The following HECW2 variants were observed in gnomAD, a reference collection of about 807,000 sequenced individuals.
HECW2 encodes E3 ubiquitin-protein ligase HECW2.
A neutral mutation model predicts 175.2 loss-of-function variants in HECW2; 61 were observed. The observed-to-expected ratio is 0.35, with a 90% CI of 0.28 to 0.43. The LOEUF (loss-of-function observed/expected upper bound fraction) is 0.43, where lower values mean the gene tolerates loss of function less well. Among genes scored for constraint, HECW2 ranks in the 20% least tolerant of loss-of-function variants. HECW2 has a pLI of 1.00. For synonymous variants in HECW2, 671 were observed against 731.0 expected, an observed-to-expected ratio of 0.92 and a Z score of 1.32; for missense variants, 1,524 against 2,000.5, an observed-to-expected ratio of 0.76 and a Z score of 4.54.
At chr2:196,254,259 T>C (rs930058267) in intron 18 of HECW2, among the ~76,000 whole-genome samples, 3 of 152,244 alleles carry the variant, frequency 2.0e-5, no homozygotes, top group African/African-American at 7.2e-5. Context: ...AACGTGACTT[T>C]ATTTTACTAT....
At chr2:196,500,089 G>GA (rs888765588) in intron 1 of HECW2, among the ~76,000 whole-genome samples, 28 of 150,086 alleles carry the variant, frequency 1.9e-4, no homozygotes, top group Admixed American at 1.1e-3. Flanking sequence ...TCCTCCTCAA[G>GA]AAAAAAAAAG....
At chr2:196,207,076 A>G (rs1687096015) in intron 28 of HECW2, among the ~76,000 whole-genome samples, 1 of 152,212 alleles carries the variant, frequency 6.6e-6, no homozygotes, top group Non-Finnish European at 1.5e-5. Flanking sequence ...GCAAGCGCCT[A>G]AGGGACAGGA....
At chr2:196,218,923 C>G (rs1337448531) in intron 26 of HECW2, among the ~76,000 whole-genome samples, 1 of 152,210 alleles carries the variant, frequency 6.6e-6, no homozygotes, top group Non-Finnish European at 1.5e-5. Context: ...CAATTAAATA[C>G]AGCCTTTCAG....
intron 2 of HECW2, among the ~76,000 whole-genome samples, chr2:196,349,420 G>C (rs1212356925): frequency 6.6e-6 from 1 of 152,052 alleles, no homozygotes; most frequent in Non-Finnish European, 1.5e-5. Flanking sequence ...AATTTTGTTT[G>C]GTAGGCTTTA....
At chr2:196,269,664 T>C (rs1689656030) in intron 17 of HECW2, among the ~76,000 whole-genome samples, 1 of 152,194 alleles carries the variant, frequency 6.6e-6, no homozygotes, top group Non-Finnish European at 1.5e-5. Context: ...AATGATGAGT[T>C]GGATAAGATC....
chr2:196,284,533 T>G (rs1399723768), intron 14 of HECW2, among the ~76,000 whole-genome samples: 1 of 152,216 alleles, frequency 6.6e-6, no homozygotes, highest in Non-Finnish European at 1.5e-5. Context: ...GTTTCCTTAG[T>G]GCTTTGCTTT....
At position 196,319,070 on chromosome 2, in the gene HECW2, G is replaced by T. The variant is rs199856129; in HGVS notation, c.1820C>A (p.Pro607His). ...ETESLDQGSE[P>H]SQVSSETEPS... ...TTCTGTTTCAGAGGACACCTGGGAA[G>T]GCTCAGAGCCCTGATCGAGAGACTC... Residue 607 changes from proline to histidine, a missense_variant, in exon 9 of 29, where the codon CCT (proline) becomes CAT (histidine). Pro to His is a moderately conservative substitution (Grantham distance 77). Transcript: ENST00000644978. The T allele has an allele frequency of 6.2e-6, 10 of 1,610,932 alleles. No homozygotes were observed. The highest frequency in any genetic ancestry group is 7.6e-6 in the Non-Finnish European group (9 of 1,178,588).
intron 3 of HECW2, among the ~76,000 whole-genome samples, chr2:196,340,095 TTAAAGA>T (rs10550325): frequency 0.024 from 3,642 of 152,254 alleles, 133 homozygotes; most frequent in African/African-American, 0.083. Context: ...TTCTGGTGAG[TTAAAGA>T]TAAACAAATT....
At chr2:196,299,183 T>C (rs541533246) in intron 13 of HECW2, among the ~76,000 whole-genome samples, 10 of 152,140 alleles carry the variant, frequency 6.6e-5, no homozygotes, top group Admixed American at 5.2e-4. Flanking sequence ...CTAATATAAA[T>C]GCAGTTCATA....
At chr2:196,297,524 C>CT (rs1263439199) in intron 13 of HECW2, among the ~76,000 whole-genome samples, 1 of 152,144 alleles carries the variant, frequency 6.6e-6, no homozygotes, top group African/African-American at 2.4e-5. Context: ...ATCCCCTCTC[C>CT]TTTTTTTGCA....
chr2:196,573,493 T>C (rs1338909599), intron 1 of HECW2, among the ~76,000 whole-genome samples: 3 of 151,984 alleles, frequency 2.0e-5, no homozygotes, highest in African/African-American at 7.2e-5. Context: ...GCAGAGTGCA[T>C]GGACAAGGGA....
chr2:196,401,589 G>C (rs140915673), intron 2 of HECW2, among the ~76,000 whole-genome samples: 1,564 of 152,140 alleles, frequency 0.01, 25 homozygotes, highest in African/African-American at 0.036. Context: ...TGTTCTTTTT[G>C]TCAAATATTT....
chr2:196,486,200 C>A (rs1317955224), intron 1 of HECW2, among the ~76,000 whole-genome samples: 2 of 152,182 alleles, frequency 1.3e-5, no homozygotes, highest in East Asian at 1.9e-4. Flanking sequence ...GGGCAAAGAG[C>A]AATTCTAAAC....
intron 1 of HECW2, among the ~76,000 whole-genome samples, chr2:196,438,302 T>G (rs1401453442): frequency 6.6e-6 from 1 of 152,230 alleles, no homozygotes. Flanking sequence ...TTTAAAATTT[T>G]CTAGTAATCA....
intron 13 of HECW2, among the ~76,000 whole-genome samples, chr2:196,296,121 G>C (rs568779493): frequency 3.9e-5 from 6 of 151,906 alleles, no homozygotes; most frequent in African/African-American, 1.4e-4. Flanking sequence ...TGCAAAAACT[G>C]TGTGTGTATA....
rs1384370957 is a variant in HECW2 at position 196,225,810 on chromosome 2, G to A, written c.3978C>T (p.Ala1326=). The A allele has an allele frequency of 1.9e-6, 3 of 1,612,802 alleles. No homozygotes were observed. The highest frequency in any genetic ancestry group is 2.5e-6 in the Non-Finnish European group (3 of 1,178,896). Residue 1326 remains alanine, a synonymous_variant, in exon 23 of 29, where the codon GCC becomes GCT. Coordinates refer to ENST00000644978, the MANE Select transcript of HECW2 (RefSeq NM_001348768.2). ...CCTTATAAAAGGGCCGTGTGAAGAA[G>A]GCATCCAACAAATACTGGTGTATTA... The part of the protein sequence containing the change: ...LALIHQYLLD[A]FFTRPFYKAL...
intron 1 of HECW2, among the ~76,000 whole-genome samples, chr2:196,560,723 C>G (rs1041880560): frequency 6.6e-6 from 1 of 152,188 alleles, no homozygotes; most frequent in South Asian, 2.1e-4. Context: ...AAAGTCCATA[C>G]TGTTGCGGGA....
At chr2:196,273,219 C>A (rs901302389) in intron 16 of HECW2, among the ~76,000 whole-genome samples, 3 of 152,038 alleles carry the variant, frequency 2.0e-5, no homozygotes, top group Non-Finnish European at 4.4e-5. Flanking sequence ...AGGTGCGTGC[C>A]ACCATGCCTG....
intron 3 of HECW2, among the ~76,000 whole-genome samples, chr2:196,338,827 C>A (rs1242612518): frequency 1.3e-5 from 2 of 152,180 alleles, no homozygotes; most frequent in Admixed American, 1.3e-4. Context: ...TGACTTTCAC[C>A]ATTGTCCTAT....
Sources: gnomAD v4.1 joint callset for allele counts (sites outside exome capture counted in the v4.1 genomes callset) on GRCh38, gnomAD v4.1.1 for gene constraint, MANE v1.5 for transcripts, NCBI Gene and HGNC (gene_info 2026-07-23, HGNC 2026-07-21) for gene names.